SUGCT: variants seen among roughly 807,000 people sequenced by gnomAD.
SUGCT encodes succinyl-CoA:glutarate CoA-transferase.
SUGCT carries 41 observed loss-of-function variants against 55.0 expected under a neutral mutation model. The ratio of observed to expected loss-of-function variants is 0.74; its 90% CI spans 0.58 to 0.97. SUGCT has a LOEUF of 0.97. SUGCT is among the 50% of genes least tolerant of loss of function. SUGCT has a pLI of 0.00. For synonymous variants in SUGCT, 187 were observed against 200.4 expected (o/e 0.93, Z 0.56); for missense variants, 568 against 547.8 (o/e 1.04, Z -0.37).
chr7:40,491,222 T>A (rs144746447), intron 11 of SUGCT, among the ~76,000 whole-genome samples: 1 of 152,150 alleles, frequency 6.6e-6, no homozygotes, highest in Non-Finnish European at 1.5e-5. Context: ...ACAACTAACA[T>A]TGGTGACTTT....
At chr7:40,606,339 C>T (rs116355725) in intron 12 of SUGCT, among the ~76,000 whole-genome samples, 292 of 152,220 alleles carry the variant, frequency 1.9e-3, no homozygotes, top group African/African-American at 6.0e-3. Context: ...GTGCTGCAGT[C>T]GTGAGTTTCA....
At chr7:40,445,674 G>C (rs140708583) in intron 9 of SUGCT, among the ~76,000 whole-genome samples, 3,355 of 152,182 alleles carry the variant, frequency 0.022, 45 homozygotes, top group Non-Finnish European at 0.034. Flanking sequence ...TGATACCAAA[G>C]CTTGGCAGAG....
At chr7:40,166,538 A>G (rs1784430477) in intron 1 of SUGCT, among the ~76,000 whole-genome samples, 1 of 152,228 alleles carries the variant, frequency 6.6e-6, no homozygotes, top group Non-Finnish European at 1.5e-5. Flanking sequence ...GATGCAAATT[A>G]AAACCCCAAC....
At chr7:40,410,013 T>C (rs142044556) in intron 9 of SUGCT, among the ~76,000 whole-genome samples, 2,931 of 152,292 alleles carry the variant, frequency 0.019, 44 homozygotes, top group Non-Finnish European at 0.027. Flanking sequence ...ATATTTTACA[T>C]CTTTTGGGTG....
At chr7:40,505,583 T>C (rs1792545844) in intron 12 of SUGCT, among the ~76,000 whole-genome samples, 2 of 152,122 alleles carry the variant, frequency 1.3e-5, no homozygotes, top group Non-Finnish European at 2.9e-5. Flanking sequence ...CGAAATTGAC[T>C]TCAGTTTTGT....
intron 12 of SUGCT, among the ~76,000 whole-genome samples, chr7:40,566,534 A>T (rs1396975758): frequency 6.6e-6 from 1 of 152,236 alleles, no homozygotes; most frequent in East Asian, 1.9e-4. Context: ...ACAGAGCTAA[A>T]AAAAGAAAGC....
At chr7:40,606,120 T>G (rs1249509797) in intron 12 of SUGCT, among the ~76,000 whole-genome samples, 1 of 152,014 alleles carries the variant, frequency 6.6e-6, no homozygotes, top group South Asian at 2.1e-4. Context: ...ATGTCAAAAA[T>G]AGCAACAGGA....
chr7:40,460,557 C>T (rs773346120), intron 11 of SUGCT, among the ~76,000 whole-genome samples: 1 of 152,184 alleles, frequency 6.6e-6, no homozygotes, highest in Non-Finnish European at 1.5e-5. Flanking sequence ...TTGTGAGAAC[C>T]TTATCAGAAG....
intron 8 of SUGCT, among the ~76,000 whole-genome samples, chr7:40,315,106 CT>C (rs1360577549): frequency 5.0e-5 from 5 of 100,426 alleles, no homozygotes; most frequent in South Asian, 3.3e-4. Context: ...GAGGGTTCTG[CT>C]TTTTTAAAAA....
chr7:40,388,569 A>G (rs1412257451), intron 9 of SUGCT, among the ~76,000 whole-genome samples: 2 of 151,934 alleles, frequency 1.3e-5, no homozygotes, highest in African/African-American at 2.4e-5. Context: ...GTGTGTGCCA[A>G]TATGCATGGC....
At chr7:40,851,595 C>G (rs868302217) in intron 13 of SUGCT, among the ~76,000 whole-genome samples, 2 of 152,282 alleles carry the variant, frequency 1.3e-5, no homozygotes, top group South Asian at 4.1e-4. Flanking sequence ...TGTCATTATC[C>G]TACACCGCTC....
chr7:40,442,329 A>T lies in SUGCT; in HGVS notation c.817-6958A>T, dbSNP rs989705980. The stretch of plus-strand genomic sequence containing the variant: ...GCTTGTGAAATTAGAAACAAGATGG[A>T]GTCAGTTAGGTTAGATTTCACTCAC... On this transcript the variant is annotated intron_variant, in intron 9 of 13. Coordinates refer to ENST00000335693, the MANE Select transcript of SUGCT (RefSeq NM_001193313.2). 3.3e-5 allele frequency among the ~76,000 whole-genome samples: 5 copies of T among 152,274 alleles called. No homozygotes were observed. The South Asian group carries it at 8.3e-4, about 25-fold the overall frequency.
rs1456735534 is a variant in SUGCT at position 40,860,572 on chromosome 7, C to G, written c.*93C>G. On this transcript the variant is annotated 3_prime_UTR_variant, in exon 14 of 14. Transcript: ENST00000335693. Reference sequence around the variant, plus strand: ...ACCCTTCTCCCCAGTTCTGATACCACTAAAAAGAAGATTTAGAGTAACTCC... The same window carrying G: ...ACCCTTCTCCCCAGTTCTGATACCAGTAAAAAGAAGATTTAGAGTAACTCC... The G allele has an allele frequency of 7.4e-7, 1 of 1,355,690 alleles. No homozygotes were observed. The highest frequency in any genetic ancestry group is 9.9e-7 in the Non-Finnish European group (1 of 1,011,916). 84.0% of individuals were successfully genotyped at this position (1,355,690 alleles called of 1,614,324 possible). A position where few individuals can be genotyped will look rare whatever the true frequency, so the allele number is the denominator to read the frequency against.
chr7:40,851,881 G>A (rs1793870909), intron 13 of SUGCT, among the ~76,000 whole-genome samples: 1 of 152,142 alleles, frequency 6.6e-6, no homozygotes, highest in South Asian at 2.1e-4. Context: ...TTTTGGTAGA[G>A]ACCTTAGATA....
At chr7:40,719,533 C>G (rs1057157130) in intron 12 of SUGCT, among the ~76,000 whole-genome samples, 1 of 152,020 alleles carries the variant, frequency 6.6e-6, no homozygotes, top group Admixed American at 6.6e-5. Context: ...CTGCAAGCCA[C>G]CAACTTAGGA....
intron 9 of SUGCT, among the ~76,000 whole-genome samples, chr7:40,392,650 C>T (rs1464372947): frequency 2.0e-5 from 3 of 151,860 alleles, no homozygotes; most frequent in Non-Finnish European, 2.9e-5. Flanking sequence ...TCACCCATAT[C>T]GATGACATTG....
chr7:40,818,408 C>T (rs1791788355), intron 13 of SUGCT, among the ~76,000 whole-genome samples: 1 of 152,224 alleles, frequency 6.6e-6, no homozygotes, highest in Non-Finnish European at 1.5e-5. Flanking sequence ...CCTCACCCCC[C>T]TGGGGCCCAG....
intron 12 of SUGCT, among the ~76,000 whole-genome samples, chr7:40,619,621 TTTTA>T (rs1584141437): frequency 6.6e-6 from 1 of 152,350 alleles, no homozygotes; most frequent in East Asian, 1.9e-4. Flanking sequence ...GAGAATATAT[TTTTA>T]TTATATAGCT....
intron 9 of SUGCT, among the ~76,000 whole-genome samples, chr7:40,430,980 T>G (rs986064881): frequency 6.6e-6 from 1 of 151,958 alleles, no homozygotes; most frequent in Non-Finnish European, 1.5e-5. Flanking sequence ...TAGCTGGGCG[T>G]GGTGGCACAT....
Sources: allele counts gnomAD v4.1 joint callset (sites outside exome capture counted in the v4.1 genomes callset), GRCh38; gene constraint gnomAD v4.1.1; transcripts MANE v1.5; gene names NCBI Gene and HGNC (gene_info 2026-07-23, HGNC 2026-07-21).